Variants in AIG1 observed in about 807,000 individuals in gnomAD.
AIG1 encodes androgen induced 1.
In AIG1, 23 loss-of-function variants were observed where a neutral mutation model predicts 31.4. The observed-to-expected ratio is 0.73, with a 90% CI of 0.53 to 1.04. The LOEUF is 1.04. Ranked by LOEUF, AIG1 falls within the 50% of genes least tolerant of loss-of-function variation. The pLI, the probability that AIG1 is intolerant of heterozygous loss-of-function variation, is 0.00. For missense variants in AIG1, 274 were observed against 295.0 expected, an observed-to-expected ratio of 0.93 and a Z score of 0.52; for synonymous variants, 100 against 110.5, an observed-to-expected ratio of 0.90 and a Z score of 0.60.
intron 1 of AIG1, among the ~76,000 whole-genome samples, chr6:143,098,213 C>T (rs988890053): frequency 1.3e-5 from 2 of 152,190 alleles, no homozygotes; most frequent in African/African-American, 4.8e-5. Context: ...ACACACTCTG[C>T]CCCAGTGAAG....
At chr6:143,311,177 A>G (rs1396090960) in intron 4 of AIG1, among the ~76,000 whole-genome samples, 1 of 151,942 alleles carries the variant, frequency 6.6e-6, no homozygotes, top group Non-Finnish European at 1.5e-5. Flanking sequence ...ATCTCTCATG[A>G]ACATAGATGC....
At chr6:143,250,716 C>A (rs928827485) in intron 3 of AIG1, among the ~76,000 whole-genome samples, 9 of 152,262 alleles carry the variant, frequency 5.9e-5, no homozygotes, top group African/African-American at 1.9e-4. Flanking sequence ...GCCTCTAGAT[C>A]AAGCTTGTCC....
In AIG1 at chr6:143,289,546, G is replaced by T. The variant is rs933838726; in HGVS notation, c.515+5321G>T. ...TGAGAGGCTTAGAATTTTATTTTTG[G>T]TTTACAGAATGAAGTATGTTCATTC... On this transcript the variant is annotated intron_variant, in intron 4 of 5. Transcript: ENST00000357847. Among the ~76,000 whole-genome samples the T allele has an allele frequency of 2.8e-4, 43 of 151,960 alleles. 1 individual carries two copies. The highest frequency in any genetic ancestry group is 1.0e-3 in the African/African-American group (43 of 41,334).
Position 143,330,092 on chromosome 6 carries a change from T to C in AIG1, c.516-3190T>C, listed in dbSNP as rs1463870373. 6.6e-6 allele frequency among the ~76,000 whole-genome samples: 1 copy of C among 152,236 alleles called. No individual in the cohort carries two copies. Among genetic ancestry groups the C allele is most frequent in the Non-Finnish European group, 1.5e-5 (1 of 68,052 alleles). On this transcript the variant is annotated intron_variant, in intron 4 of 5. Transcript: ENST00000357847. The surrounding 1 kb of genome is among the most constrained non-coding windows in gnomAD (Gnocchi z 4.4). ...CTCAATAAACAGATGTTGCTGTTTATATTCCTTCATTAGATTATTAATTCA... is the reference window on the plus strand; with the variant it reads ...CTCAATAAACAGATGTTGCTGTTTACATTCCTTCATTAGATTATTAATTCA...
In AIG1 at chr6:143,319,649, G is replaced by A. The variant is rs74479163; in HGVS notation, c.516-13633G>A. ...TGAAACATAATAATTTTTAAAAGAA[G>A]ATAACAACAAAGCTAAGAGTTGGGT... On this transcript the variant is annotated intron_variant, in intron 4 of 5. Coordinates refer to ENST00000357847, the MANE Select transcript of AIG1 (RefSeq NM_016108.4). 7.8e-3 allele frequency among the ~76,000 whole-genome samples: 1,179 copies of A among 151,476 alleles called. 37 individuals carry two copies. The highest frequency in any genetic ancestry group is 0.048 in the Admixed American group (727 of 15,214).
At chr6:143,304,051 G>T (rs1799050885) in intron 4 of AIG1, among the ~76,000 whole-genome samples, 1 of 146,690 alleles carries the variant, frequency 6.8e-6, no homozygotes, top group Non-Finnish European at 1.5e-5. Flanking sequence ...GTATAAGAAT[G>T]CTTGTGTTTT....
intron 1 of AIG1, among the ~76,000 whole-genome samples, chr6:143,127,854 C>T (rs1439070212): frequency 6.6e-6 from 1 of 151,870 alleles, no homozygotes; most frequent in Non-Finnish European, 1.5e-5. Flanking sequence ...CGCCCAGCTA[C>T]CTTTTGTATT....
intron 3 of AIG1, among the ~76,000 whole-genome samples, chr6:143,215,914 A>C (rs945337749): frequency 6.6e-6 from 1 of 152,188 alleles, no homozygotes; most frequent in Non-Finnish European, 1.5e-5. Context: ...CTCTGCTGTC[A>C]TAATTCAAAA....
rs112423069 is a variant in AIG1 at position 143,326,814 on chromosome 6, A to G, written c.516-6468A>G. On this transcript the variant is annotated intron_variant, in intron 4 of 5. Coordinates refer to ENST00000357847, the MANE Select transcript of AIG1 (RefSeq NM_016108.4). This position sits in a 1 kb window ranked among gnomAD's most constrained non-coding sequence, Gnocchi z 4.5. The stretch of plus-strand genomic sequence containing the variant: ...AAGAATATGTGAAAACCCACATTGC[A>G]GGAGGGAACATGACAAGATCAAGGA... Among the ~76,000 whole-genome samples the G allele has an allele frequency of 5.3e-5, 8 of 152,324 alleles. No individual in the cohort carries two copies. Among genetic ancestry groups the G allele is most frequent in the African/African-American group, 1.7e-4 (7 of 41,576 alleles).
intron 1 of AIG1, among the ~76,000 whole-genome samples, chr6:143,118,557 G>A (rs1020941134): frequency 1.3e-5 from 2 of 151,942 alleles, no homozygotes; most frequent in Admixed American, 6.6e-5. Context: ...GACTTAAGAC[G>A]GGCCAGTTTT....
intron 3 of AIG1, among the ~76,000 whole-genome samples, chr6:143,261,493 T>C (rs1472991722): frequency 6.6e-6 from 1 of 152,168 alleles, no homozygotes; most frequent in East Asian, 1.9e-4. Context: ...GGGGGAGGTG[T>C]GTGAATACTG....
chr6:143,165,397 GTAGA>G (rs1786830915), intron 3 of AIG1, among the ~76,000 whole-genome samples: 1 of 152,180 alleles, frequency 6.6e-6, no homozygotes, highest in African/African-American at 2.4e-5. Flanking sequence ...AAACGATGTA[GTAGA>G]TGAATCCACA....
At chr6:143,146,353 G>A (rs575810384) in intron 2 of AIG1, among the ~76,000 whole-genome samples, 4 of 152,192 alleles carry the variant, frequency 2.6e-5, no homozygotes, top group African/African-American at 9.6e-5. Flanking sequence ...TCAACAATGT[G>A]ACCCGCAAAA....
rs35691634 is a variant in AIG1, at chr6:143,314,184, T to TAAAAAAAA, written c.516-19079_516-19072dup. Among the ~76,000 whole-genome samples the TAAAAAAAA allele has an allele frequency of 1.1e-3, 102 of 90,606 alleles. 3 individuals carry two copies. Among genetic ancestry groups the TAAAAAAAA allele is most frequent in the African/African-American group, 4.7e-3 (95 of 20,264 alleles). The allele number at this position is 90,606 out of a possible 152,430, so 59.4% of individuals were successfully genotyped here. On this transcript the variant is annotated intron_variant, in intron 4 of 5. Transcript: ENST00000357847. ...GGCAACAAAGCTGGAACCCATCTCT[T>TAAAAAAAA]AAAAAAAAAAAAAAAAAAAAAAAAA...
At chr6:143,243,553 T>A (rs555521713) in intron 3 of AIG1, among the ~76,000 whole-genome samples, 1 of 152,328 alleles carries the variant, frequency 6.6e-6, no homozygotes, top group East Asian at 1.9e-4. Context: ...CGGAATCTTT[T>A]TACCAGGTGA....
rs988603870 is a variant in AIG1 at position 143,329,470 on chromosome 6, T to A, written c.516-3812T>A. The stretch of plus-strand genomic sequence containing the variant: ...AGGTTGCAAACCTGAGAATTTCACA[T>A]TACATTAGCAGCTCTGACATAGTCT... On this transcript the variant is annotated intron_variant, in intron 4 of 5. Coordinates refer to ENST00000357847, the MANE Select transcript of AIG1 (RefSeq NM_016108.4). The surrounding 1 kb of genome is among the most constrained non-coding windows in gnomAD (Gnocchi z 4.9). 6.6e-6 allele frequency among the ~76,000 whole-genome samples: 1 copy of A among 152,200 alleles called. No homozygotes were observed. Among genetic ancestry groups the A allele is most frequent in the South Asian group, 2.1e-4 (1 of 4,830 alleles).
chr6:143,210,417 C>G (rs1661159084), intron 3 of AIG1, among the ~76,000 whole-genome samples: 1 of 152,230 alleles, frequency 6.6e-6, no homozygotes. Context: ...ATGATTCTCT[C>G]CCCAGAGCTT....
At chr6:143,149,648 T>C (rs564892906) in intron 2 of AIG1, among the ~76,000 whole-genome samples, 1 of 152,292 alleles carries the variant, frequency 6.6e-6, no homozygotes, top group East Asian at 1.9e-4. Flanking sequence ...TATATTCATT[T>C]GAGCTTCTGT....
chr6:143,314,233 G>A (rs1198157094), intron 4 of AIG1, among the ~76,000 whole-genome samples: 5 of 145,818 alleles, frequency 3.4e-5, no homozygotes, highest in African/African-American at 7.7e-5. Context: ...GAGTGAGGTA[G>A]CCCATGCCTA....
Sources: allele counts gnomAD v4.1 joint callset (sites outside exome capture counted in the v4.1 genomes callset), GRCh38; gene constraint gnomAD v4.1.1; non-coding constraint Gnocchi (gnomAD v3.1); transcripts MANE v1.5; gene names NCBI Gene and HGNC (gene_info 2026-07-23, HGNC 2026-07-21).